Variants in FGD3 observed in about 807,000 individuals in gnomAD.
The protein encoded by FGD3 is FYVE, RhoGEF and PH domain containing 3.
Under a neutral mutation model 71.8 loss-of-function variants are expected in FGD3, and 45 were observed. The ratio of observed to expected loss-of-function variants is 0.63; its 90% CI spans 0.49 to 0.80. The LOEUF (loss-of-function observed/expected upper bound fraction) is 0.80, where lower values mean the gene tolerates loss of function less well. Among genes scored for constraint, FGD3 ranks in the 30% least tolerant of loss-of-function variants. FGD3 has a pLI of 0.00. For synonymous variants in FGD3, 378 were observed against 392.8 expected (o/e 0.96, Z 0.44); for missense variants, 844 against 951.5 (o/e 0.89, Z 1.49).
chr9:92,972,381 G>C (rs1001416685), intron 1 of FGD3, among the ~76,000 whole-genome samples: 6 of 151,466 alleles, frequency 4.0e-5, no homozygotes, highest in African/African-American at 1.5e-4. Context: ...GAACCCAGGA[G>C]GCGGAGGTTG....
chr9:93,026,228 G>A (rs1862109110), intron 14 of FGD3, among the ~76,000 whole-genome samples: 1 of 152,188 alleles, frequency 6.6e-6, no homozygotes, highest in Non-Finnish European at 1.5e-5. Context: ...CGCTTTGGGG[G>A]TGAAGTCACT....
At chr9:93,008,563 T>TGC (rs1396937977) in intron 6 of FGD3, among the ~76,000 whole-genome samples, 1 of 152,226 alleles carries the variant, frequency 6.6e-6, no homozygotes, top group Non-Finnish European at 1.5e-5. Flanking sequence ...CTCTTCTCCC[T>TGC]GCGTCCTGCC....
intron 8 of FGD3, 134 bp from the exon 9 acceptor site, chr9:93,013,718 C>T: frequency 9.3e-7 from 1 of 1,077,314 alleles, no homozygotes; most frequent in Non-Finnish European, 1.4e-6. Flanking sequence ...ACTCTGTTTT[C>T]CCTCCCACCC....
intron 1 of FGD3, among the ~76,000 whole-genome samples, chr9:92,966,120 G>A (rs867621696): frequency 8.5e-5 from 13 of 152,296 alleles, no homozygotes; most frequent in African/African-American, 3.1e-4. Context: ...ATTTCTCCCC[G>A]TGTCCTGCCT....
chr9:92,980,529 T>C (rs1859947627), intron 3 of FGD3, among the ~76,000 whole-genome samples: 1 of 152,160 alleles, frequency 6.6e-6, no homozygotes, highest in African/African-American at 2.4e-5. Context: ...TTTGAGTTTC[T>C]TGATGTGCAG....
chr9:93,011,294 C>T (rs552333228), intron 8 of FGD3, 22 bp downstream of exon 8: 69 of 1,613,988 alleles, frequency 4.3e-5, no homozygotes, highest in South Asian at 2.7e-4. Flanking sequence ...GCTCCAGTGG[C>T]GACCGGCAGG....
chr9:93,031,335 G>A (rs1028324523), intron 15 of FGD3, among the ~76,000 whole-genome samples: 31 of 152,166 alleles, frequency 2.0e-4, no homozygotes, highest in Non-Finnish European at 1.0e-4. Context: ...CAGGCTTCAG[G>A]CTTTGTGACT....
rs542417398 is a variant in FGD3 at position 92,961,277 on chromosome 9, G to A, written c.-218+13548G>A. Among the ~76,000 whole-genome samples the A allele has an allele frequency of 1.8e-4, 28 of 152,280 alleles. No individual in the cohort carries two copies. The South Asian group carries it at 5.4e-3, about 29-fold the overall frequency. ...GGGAGGATGAGCAGCACCCTTGAGG[G>A]ACAGGCTAAGGGACACTGGAGGCAC... On this transcript the variant is annotated intron_variant, in intron 1 of 17. Transcript: ENST00000375482.
At chr9:92,973,115 T>C (rs987944724) in intron 1 of FGD3, among the ~76,000 whole-genome samples, 2 of 141,142 alleles carry the variant, frequency 1.4e-5, no homozygotes, top group African/African-American at 5.4e-5. Flanking sequence ...AATTTTTTTT[T>C]TTTTTTTTTT....
intron 1 of FGD3, chr9:92,964,310 G>C (rs373262499): frequency 6.6e-6 from 1 of 152,242 alleles, no homozygotes; most frequent in African/African-American, 2.4e-5. Context: ...GCTATTGCAC[G>C]AAGTTCAGCC....
rs1300039699 is a variant in FGD3 at position 92,996,979 on chromosome 9, G to A, written c.454-5946G>A. On this transcript the variant is annotated intron_variant, in intron 3 of 17. Transcript: ENST00000375482. ...TTGATCTGGGGTGTAGAGTTCTGTAGATGTCTATTAGGTCCACTTGGTGCA... is the reference window on the plus strand; with the variant it reads ...TTGATCTGGGGTGTAGAGTTCTGTAAATGTCTATTAGGTCCACTTGGTGCA... Among the ~76,000 whole-genome samples the A allele has an allele frequency of 3.3e-5, 5 of 152,318 alleles. No individual in the cohort carries two copies. The South Asian group carries it at 6.2e-4, about 19-fold the overall frequency.
intron 11 of FGD3, among the ~76,000 whole-genome samples, chr9:93,018,847 T>C (rs1224313704): frequency 6.6e-6 from 1 of 152,136 alleles, no homozygotes; most frequent in African/African-American, 2.4e-5. Flanking sequence ...TTGAGTATCC[T>C]ACGATTTTCT....
intron 17 of FGD3, 76 bp downstream of exon 17, chr9:93,034,757 G>T (rs756365568): frequency 1.5e-5 from 22 of 1,490,810 alleles, no homozygotes; most frequent in Non-Finnish European, 1.9e-5. Context: ...CAGCAGGCCT[G>T]TGCCACCAGC....
chr9:93,014,547 T>C (rs1184376485), intron 9 of FGD3, among the ~76,000 whole-genome samples: 1 of 152,182 alleles, frequency 6.6e-6, no homozygotes, highest in Non-Finnish European at 1.5e-5. Context: ...TTTTAAAAAT[T>C]ACGTTAACTA....
At position 93,035,467 on chromosome 9, in the gene FGD3, T is replaced by G. The variant is rs1477778848; in HGVS notation, c.2056T>G (p.Ser686Ala). Residue 686 changes from serine (S) to alanine (A), a missense_variant, in exon 18 of 18, where the codon TCC becomes GCC. Physicochemically the swap from Ser to Ala is moderately conservative, Grantham distance 99. Transcript: ENST00000375482. ...WAKQSWYLSA[S>A]SAELQQQWLE... is the part of the protein sequence containing the mutation. ...CAAGCAGTCCTGGTACCTGAGCGCC[T>G]CCTCCGCAGAGCTGCAGCAGCAGTG... The G allele has an allele frequency of 6.2e-7, 1 of 1,613,488 alleles. No homozygotes were observed. Among genetic ancestry groups the G allele is most frequent in the East Asian group, 2.2e-5 (1 of 44,876 alleles).
At chr9:92,990,683 G>A (rs770671401) in intron 3 of FGD3, among the ~76,000 whole-genome samples, 3 of 152,184 alleles carry the variant, frequency 2.0e-5, no homozygotes, top group Non-Finnish European at 4.4e-5. Flanking sequence ...ATGATCATAT[G>A]GTTTTTGTTC....
At chr9:92,993,324 C>G (rs1341479019) in intron 3 of FGD3, among the ~76,000 whole-genome samples, 1 of 152,154 alleles carries the variant, frequency 6.6e-6, no homozygotes, top group Non-Finnish European at 1.5e-5. Flanking sequence ...CTGCTGTCTT[C>G]TGGTTACCAT....
intron 9 of FGD3, among the ~76,000 whole-genome samples, chr9:93,014,430 A>G (rs765600567): frequency 4.6e-5 from 7 of 152,054 alleles, no homozygotes; most frequent in Non-Finnish European, 7.4e-5. Flanking sequence ...CCCGGGTGCC[A>G]TGGCGCGGTA....
chr9:92,952,817 G>T (rs1391139156), intron 1 of FGD3, among the ~76,000 whole-genome samples: 1 of 150,782 alleles, frequency 6.6e-6, no homozygotes, highest in Non-Finnish European at 1.5e-5. Context: ...TCACCCTTAG[G>T]TGCCTCCAGT....
Sources: gnomAD v4.1 joint callset for allele counts (sites outside exome capture counted in the v4.1 genomes callset) on GRCh38, gnomAD v4.1.1 for gene constraint, MANE v1.5 for transcripts, NCBI Gene and HGNC (gene_info 2026-07-23, HGNC 2026-07-21) for gene names.